TFDP2: variants seen among roughly 807,000 people sequenced by gnomAD.
TFDP2 encodes transcription factor Dp-2.
In TFDP2, 17 loss-of-function variants were observed where a neutral mutation model predicts 59.3. The observed-to-expected ratio is 0.29, with a 90% confidence interval of 0.20 to 0.43. The LOEUF (loss-of-function observed/expected upper bound fraction) is 0.43, where lower values mean the gene tolerates loss of function less well. TFDP2 is among the 20% of genes least tolerant of loss of function. The pLI is 1.00. For synonymous variants in TFDP2, 180 were observed against 194.7 expected, an observed-to-expected ratio of 0.92 and a Z score of 0.63; for missense variants, 391 against 528.8, an observed-to-expected ratio of 0.74 and a Z score of 2.56.
chr3:142,024,913 G>A (rs999408307), intron 3 of TFDP2, among the ~76,000 whole-genome samples: 8 of 151,960 alleles, frequency 5.3e-5, no homozygotes, highest in African/African-American at 1.9e-4. Context: ...TCAGCTACTC[G>A]GGAGGCTGAG....
intron 3 of TFDP2, among the ~76,000 whole-genome samples, chr3:142,061,463 T>C (rs2059911834): frequency 6.6e-6 from 1 of 152,122 alleles, no homozygotes; most frequent in Admixed American, 6.6e-5. Context: ...CTATGAGATG[T>C]TTCTGGAAGA....
intron 3 of TFDP2, among the ~76,000 whole-genome samples, chr3:142,010,295 C>T (rs1042091205): frequency 1.8e-4 from 27 of 152,220 alleles, no homozygotes; most frequent in African/African-American, 5.8e-4. Context: ...CATGAAAAGA[C>T]GCTTGATTTT....
At chr3:141,998,590 G>A (rs2108223058) in intron 4 of TFDP2, among the ~76,000 whole-genome samples, 2 of 152,206 alleles carry the variant, frequency 1.3e-5, no homozygotes, top group Admixed American at 1.3e-4. Flanking sequence ...ACACTCTCCA[G>A]CCTAGGTGAC....
chr3:142,059,922 T>G (rs2059862085), intron 3 of TFDP2, among the ~76,000 whole-genome samples: 1 of 152,120 alleles, frequency 6.6e-6, no homozygotes, highest in Admixed American at 6.6e-5. Flanking sequence ...ACTTCTTTTA[T>G]TTACCTCCTC....
intron 1 of TFDP2, among the ~76,000 whole-genome samples, chr3:142,104,682 A>G (rs2061418843): frequency 6.6e-6 from 1 of 150,964 alleles, no homozygotes; most frequent in Admixed American, 6.6e-5. Flanking sequence ...GAAAGAAATG[A>G]CAATGAAAAT....
At chr3:142,116,878 T>G (rs894792040) in intron 1 of TFDP2, among the ~76,000 whole-genome samples, 1 of 152,200 alleles carries the variant, frequency 6.6e-6, no homozygotes, top group African/African-American at 2.4e-5. Flanking sequence ...TTACTGTAAG[T>G]TCAGTTGACT....
chr3:142,011,738 A>G (rs1944725105), intron 3 of TFDP2, among the ~76,000 whole-genome samples: 1 of 151,986 alleles, frequency 6.6e-6, no homozygotes. Flanking sequence ...AGGATGTGGC[A>G]AAACAGGCAC....
chr3:141,959,943 T>A, intron 10 of TFDP2, 103 bp from the exon 11 acceptor site: 1 of 1,138,882 alleles, frequency 8.8e-7, no homozygotes, highest in Non-Finnish European at 1.2e-6. Context: ...TAAATCCAGC[T>A]ATAGTGCTAG....
chr3:142,127,280 C>G (rs2062305670), intron 1 of TFDP2, among the ~76,000 whole-genome samples: 1 of 146,580 alleles, frequency 6.8e-6, no homozygotes, highest in South Asian at 2.1e-4. Flanking sequence ...GGACTACAGA[C>G]AGACATGTTT....
At chr3:142,061,899 C>CT (rs879550641) in intron 3 of TFDP2, among the ~76,000 whole-genome samples, 6,021 of 113,142 alleles carry the variant, frequency 0.053, 136 homozygotes, top group African/African-American at 0.11. Flanking sequence ...TACACACACA[C>CT]ACACACACAC....
At chr3:142,128,977 A>G (rs1255127358) in intron 1 of TFDP2, among the ~76,000 whole-genome samples, 1 of 152,128 alleles carries the variant, frequency 6.6e-6, no homozygotes, top group African/African-American at 2.4e-5. Flanking sequence ...AAACATCTAG[A>G]AATGCTGGAT....
chr3:142,017,467 T>C (rs1365657447), intron 3 of TFDP2, among the ~76,000 whole-genome samples: 4 of 152,016 alleles, frequency 2.6e-5, no homozygotes, highest in Admixed American at 2.6e-4. Flanking sequence ...ATTCCCTTCC[T>C]TAGTGACAGC....
Position 141,959,811 on chromosome 3 carries a change from G to C in TFDP2, c.914C>G (p.Thr305Ser). 1.9e-6 allele frequency: 3 copies of C among 1,614,062 alleles called. No homozygotes were observed. Among genetic ancestry groups the C allele is most frequent in the South Asian group, 1.1e-5 (1 of 91,074 alleles). The change falls in exon 11 of 13, where the codon ACC (threonine) becomes AGC (serine). Residue 305 changes from threonine (T) to serine (S), a missense_variant. Transcript: ENST00000489671. ...TTCTATGTCATCATGGATCTCAAAG[G>C]TGTTGTCAAAATTGAAAAGATACTC... ...KFEYLFNFDN[T>S]FEIHDDIEVL...
chr3:142,017,168 A>G lies in TFDP2; in HGVS notation c.83-11624T>C, dbSNP rs1453788343. The stretch of plus-strand genomic sequence containing the variant: ...ATTTACTATACTTTATTTTTCCACC[A>G]TAGTACTTATCTCTATATGACACAT... On this transcript the variant is annotated intron_variant, in intron 3 of 12. Transcript: ENST00000489671. Among the ~76,000 whole-genome samples the G allele has an allele frequency of 2.0e-5, 3 of 152,158 alleles. No homozygotes were observed. In the East Asian group the frequency reaches 5.8e-4, roughly 29 times the overall value.
intron 9 of TFDP2, 43 bp from the exon 10 acceptor site, chr3:141,964,006 T>G: frequency 6.4e-7 from 1 of 1,562,040 alleles, no homozygotes; most frequent in Non-Finnish European, 8.7e-7. Context: ...TGTGCATAAG[T>G]GAGTTGGAAT....
Position 142,074,825 on chromosome 3 carries a change from G to A in TFDP2, c.82+18236C>T, listed in dbSNP as rs369912759. On this transcript the variant is annotated intron_variant, in intron 3 of 12. Transcript: ENST00000489671. ...CGAGATTGTGCTACTGCATTCCAGC[G>A]TGGGCGACAGAGTGAGACTTTGTCT... is the stretch of plus-strand genomic sequence containing the variant. Among the ~76,000 whole-genome samples, 29 of 152,204 alleles carry A rather than the reference G, an allele frequency of 1.9e-4. No homozygotes were observed. In the South Asian group the frequency reaches 4.6e-3, roughly 24 times the overall value.
chr3:142,001,477 G>A (rs573704252), intron 4 of TFDP2, among the ~76,000 whole-genome samples: 1 of 152,210 alleles, frequency 6.6e-6, no homozygotes, highest in East Asian at 1.9e-4. Flanking sequence ...GAGCAGCACC[G>A]GTAATCACTG....
chr3:142,071,340 T>C (rs1369861402), intron 3 of TFDP2, among the ~76,000 whole-genome samples: 1 of 152,050 alleles, frequency 6.6e-6, no homozygotes, highest in African/African-American at 2.4e-5. Flanking sequence ...ATATTTTTAG[T>C]AGAGATGGGG....
intron 3 of TFDP2, among the ~76,000 whole-genome samples, chr3:142,055,529 A>G (rs2108500713): frequency 6.6e-6 from 1 of 152,352 alleles, no homozygotes; most frequent in East Asian, 1.9e-4. Context: ...GAAAATCGAC[A>G]TTTTGAAACA....
Sources: gnomAD v4.1 joint callset for allele counts (sites outside exome capture counted in the v4.1 genomes callset) on GRCh38, gnomAD v4.1.1 for gene constraint, MANE v1.5 for transcripts, NCBI Gene and HGNC (gene_info 2026-07-23, HGNC 2026-07-21) for gene names.